Variants in CCDC102B observed in about 807,000 individuals in gnomAD.
The protein encoded by CCDC102B is coiled-coil domain-containing protein 102B.
In CCDC102B, 75 loss-of-function variants were observed where a neutral mutation model predicts 57.4. The observed-to-expected ratio is 1.31, with a 90% CI of 1.08 to 1.58. CCDC102B has a LOEUF of 1.58. Among genes scored for constraint, CCDC102B ranks in the 40% most tolerant of loss-of-function variants. The pLI is 0.00. For missense variants in CCDC102B, 636 were observed against 582.6 expected, an observed-to-expected ratio of 1.09 and a Z score of -0.94; for synonymous variants, 206 against 201.9, an observed-to-expected ratio of 1.02 and a Z score of -0.17.
At chr18:69,053,365 G>T (rs144763362) in intron 7 of CCDC102B, among the ~76,000 whole-genome samples, 13 of 151,056 alleles carry the variant, frequency 8.6e-5, no homozygotes, top group African/African-American at 3.2e-4. Context: ...ATGTGAATAT[G>T]TATACATACA....
chr18:68,940,027 T>A (rs1191259541), intron 6 of CCDC102B, among the ~76,000 whole-genome samples: 1 of 151,770 alleles, frequency 6.6e-6, no homozygotes. Flanking sequence ...TTTTTCCAGG[T>A]CAAAATTCAA....
At chr18:68,808,746 G>A (rs888443188) in intron 1 of CCDC102B, among the ~76,000 whole-genome samples, 7 of 152,062 alleles carry the variant, frequency 4.6e-5, no homozygotes, top group African/African-American at 1.2e-4. Flanking sequence ...CCAAAGTGCC[G>A]GGATTACAGG....
chr18:68,728,987 A>T (rs1322220509), intron 2 of CCDC102B, among the ~76,000 whole-genome samples: 1 of 152,180 alleles, frequency 6.6e-6, no homozygotes, highest in Non-Finnish European at 1.5e-5. Context: ...TTAAAAAAAA[A>T]GTTCATGCAA....
intron 6 of CCDC102B, among the ~76,000 whole-genome samples, chr18:68,956,474 A>ATTT (rs1568352502): frequency 1.0e-4 from 4 of 39,418 alleles, no homozygotes; most frequent in Non-Finnish European, 1.2e-4. Context: ...TATATATATT[A>ATTT]TATATATATA....
At chr18:69,005,461 A>G (rs146893424) in intron 6 of CCDC102B, among the ~76,000 whole-genome samples, 187 of 152,246 alleles carry the variant, frequency 1.2e-3, no homozygotes, top group African/African-American at 4.0e-3. Flanking sequence ...ATGGATAGAA[A>G]TAACATATAT....
At chr18:68,980,650 T>C (rs1247701916) in intron 6 of CCDC102B, among the ~76,000 whole-genome samples, 1 of 151,858 alleles carries the variant, frequency 6.6e-6, no homozygotes, top group Non-Finnish European at 1.5e-5. Flanking sequence ...GAGCAAAGAT[T>C]GGTAGGAGGT....
At chr18:69,024,433 G>T (rs2145427936) in intron 7 of CCDC102B, among the ~76,000 whole-genome samples, 1 of 152,020 alleles carries the variant, frequency 6.6e-6, no homozygotes, top group South Asian at 2.1e-4. Flanking sequence ...AATTTAAAAA[G>T]ATACATATGC....
intron 7 of CCDC102B, among the ~76,000 whole-genome samples, chr18:69,015,828 T>C (rs1189275616): frequency 1.3e-5 from 2 of 152,076 alleles, no homozygotes; most frequent in South Asian, 2.1e-4. Flanking sequence ...TGAATACATA[T>C]TACATTATAT....
intron 4 of CCDC102B, among the ~76,000 whole-genome samples, chr18:68,857,318 AT>A (rs58486683): frequency 1.0e-3 from 5 of 4,934 alleles, no homozygotes; most frequent in African/African-American, 2.3e-3. Flanking sequence ...ATATTTATAT[AT>A]TATATATATA....
chr18:68,766,646 C>CA (rs1487414801), intron 2 of CCDC102B, among the ~76,000 whole-genome samples: 1 of 152,162 alleles, frequency 6.6e-6, no homozygotes, highest in Admixed American at 6.5e-5. Flanking sequence ...TGTTCTGAGT[C>CA]AGAGTAATTC....
chr18:69,053,997 AC>A, intron 7 of CCDC102B, 32 bp from the exon 8 acceptor site: 1 of 1,566,938 alleles, frequency 6.4e-7, no homozygotes. Flanking sequence ...GAACACTTGA[AC>A]CTAACTAAAG....
At chr18:68,812,774 A>G (rs1012311372) in intron 1 of CCDC102B, among the ~76,000 whole-genome samples, 2 of 152,190 alleles carry the variant, frequency 1.3e-5, no homozygotes, top group Non-Finnish European at 2.9e-5. Context: ...TTGCTGTTGG[A>G]AGAAACATTC....
intron 6 of CCDC102B, among the ~76,000 whole-genome samples, chr18:68,963,311 A>C (rs993032879): frequency 2.0e-5 from 3 of 152,000 alleles, no homozygotes; most frequent in Non-Finnish European, 2.9e-5. Flanking sequence ...AAAAGTTAAA[A>C]GGCAATACAT....
chr18:69,009,507 A>G (rs545109353), intron 6 of CCDC102B, among the ~76,000 whole-genome samples: 13 of 152,048 alleles, frequency 8.5e-5, no homozygotes, highest in Admixed American at 2.0e-4. Flanking sequence ...TACTGAATAT[A>G]TTTTTTTGTT....
At chr18:68,887,895 C>G (rs1170239706) in intron 5 of CCDC102B, among the ~76,000 whole-genome samples, 5 of 152,172 alleles carry the variant, frequency 3.3e-5, no homozygotes, top group African/African-American at 1.2e-4. Flanking sequence ...ATGGTGATAT[C>G]TTGACACCCA....
chr18:68,936,949 A>G (rs1335898175), intron 6 of CCDC102B, among the ~76,000 whole-genome samples: 1 of 151,980 alleles, frequency 6.6e-6, no homozygotes, highest in Non-Finnish European at 1.5e-5. Flanking sequence ...CCTACAGGAA[A>G]CAAAGTAGTG....
intron 6 of CCDC102B, among the ~76,000 whole-genome samples, chr18:68,933,134 C>T (rs1472417368): frequency 3.3e-5 from 5 of 151,548 alleles, no homozygotes; most frequent in Non-Finnish European, 7.4e-5. Context: ...ATTCTTTTGC[C>T]ATTTCTATTT....
At chr18:68,904,188 A>T (rs1158675209) in intron 6 of CCDC102B, among the ~76,000 whole-genome samples, 1 of 152,136 alleles carries the variant, frequency 6.6e-6, no homozygotes, top group African/African-American at 2.4e-5. Flanking sequence ...GTTTACATAG[A>T]TTCTATAGCT....
chr18:68,993,806 A>G (rs1399236690), intron 6 of CCDC102B, among the ~76,000 whole-genome samples: 1 of 152,196 alleles, frequency 6.6e-6, no homozygotes, highest in African/African-American at 2.4e-5. Flanking sequence ...TCCGGGTTCT[A>G]TTTCAAGTAA....
Sources: allele counts gnomAD v4.1 joint callset (sites outside exome capture counted in the v4.1 genomes callset), GRCh38; gene constraint gnomAD v4.1.1; transcripts MANE v1.5; gene names NCBI Gene and HGNC (gene_info 2026-07-23, HGNC 2026-07-21).